Variants in ITIH2 observed in about 807,000 individuals in gnomAD.
ITIH2 encodes the protein inter-alpha-trypsin inhibitor heavy chain H2.
A neutral mutation model predicts 104.4 loss-of-function variants in ITIH2; 103 were observed. The observed-to-expected ratio is 0.99, with a 90% confidence interval of 0.84 to 1.16. The LOEUF (loss-of-function observed/expected upper bound fraction) is 1.16, where lower values mean the gene tolerates loss of function less well. ITIH2 is among the 50% of genes most tolerant of loss of function. ITIH2 has a pLI of 0.00. For missense variants in ITIH2, 1,108 were observed against 1,162.4 expected (o/e 0.95, Z 0.68); for synonymous variants, 436 against 435.4 (o/e 1.00, Z -0.02).
In ITIH2 at chr10:7,724,858, G is replaced by A. The variant is rs1038609173; in HGVS notation, c.984+1291G>A. Among the ~76,000 whole-genome samples the A allele has an allele frequency of 5.9e-5, 9 of 152,138 alleles. No homozygotes were observed. In the South Asian group the frequency reaches 6.2e-4, roughly 11 times the overall value. ...TAACGTCAGACATTGCCAAATGTCC[G>A]CTGGGGGGAATAATTGCCTCTGGTT... On this transcript the variant is annotated intron_variant, in intron 9 of 20. Coordinates refer to ENST00000358415, the MANE Select transcript of ITIH2 (RefSeq NM_002216.3).
intron 18 of ITIH2, among the ~76,000 whole-genome samples, 181 bp from the exon 19 acceptor site, chr10:7,744,610 C>T (rs117785197): frequency 1.6e-4 from 25 of 152,286 alleles, no homozygotes; most frequent in African/African-American, 5.8e-4. Flanking sequence ...GTGTCCTCTG[C>T]GTAGAAGCTT....
At chr10:7,735,357 T>C (rs1020835856) in intron 15 of ITIH2, among the ~76,000 whole-genome samples, 2 of 152,164 alleles carry the variant, frequency 1.3e-5, no homozygotes, top group Non-Finnish European at 2.9e-5. Context: ...ATTTGAAATT[T>C]TTTATCTTAG....
intron 4 of ITIH2, among the ~76,000 whole-genome samples, chr10:7,709,547 A>G (rs974530595): frequency 6.6e-6 from 1 of 152,036 alleles, no homozygotes; most frequent in East Asian, 1.9e-4. Context: ...GCCATCTGCC[A>G]TATGTTTCTC....
intron 4 of ITIH2, among the ~76,000 whole-genome samples, chr10:7,712,379 C>T (rs1459448657): frequency 6.6e-6 from 1 of 152,144 alleles, no homozygotes; most frequent in East Asian, 1.9e-4. Flanking sequence ...GTAATGTCAT[C>T]GTCCTAGGAA....
chr10:7,735,048 C>T lies in ITIH2; in HGVS notation c.1914C>T (p.Arg638=). Reference sequence around the variant, plus strand: ...TCGAGAACGAGGCTGGGGATGAGCGCATGCTGGCGGATGCCCCACCGCAGG... The same window carrying T: ...TCGAGAACGAGGCTGGGGATGAGCGTATGCTGGCGGATGCCCCACCGCAGG... ...LVIENEAGDE[R]MLADAPPQDP... is the part of the protein sequence containing the mutation. Residue 638 remains arginine, a synonymous_variant, in exon 15 of 21, where the codon CGC becomes CGT. Transcript: ENST00000358415. 1 of 1,612,700 alleles carries T rather than the reference C, an allele frequency of 6.2e-7. No individual in the cohort carries two copies. The highest frequency in any genetic ancestry group is 8.5e-7 in the Non-Finnish European group (1 of 1,180,008).
At chr10:7,732,538 A>G in intron 14 of ITIH2, 61 bp downstream of exon 14, 1 of 1,555,522 alleles carries the variant, frequency 6.4e-7, no homozygotes. Context: ...CACCGTGAAT[A>G]TATGAAGTCA....
At chr10:7,737,543 ATATT>A (rs944405526) in intron 15 of ITIH2, among the ~76,000 whole-genome samples, 2 of 132,462 alleles carry the variant, frequency 1.5e-5, no homozygotes, top group African/African-American at 5.7e-5. Flanking sequence ...TATATAATAT[ATATT>A]ATGTATTCTA....
chr10:7,745,560 G>C lies in ITIH2; in HGVS notation c.2581+597G>C, dbSNP rs916390350. 5.9e-5 allele frequency among the ~76,000 whole-genome samples: 9 copies of C among 151,820 alleles called. No homozygotes were observed. In the East Asian group the frequency reaches 1.8e-3, roughly 30 times the overall value. ...GCTTGTGGAGTTCAAGGGCAGCCTG[G>C]GCACCCCATCTCTACCAAAAAATTA... On this transcript the variant is annotated intron_variant, in intron 19 of 20. Transcript: ENST00000358415.
intron 10 of ITIH2, 90 bp downstream of exon 10, chr10:7,727,208 C>A: frequency 1.9e-6 from 2 of 1,066,458 alleles, no homozygotes; most frequent in South Asian, 1.6e-5. Context: ...TCACAGTGGT[C>A]TTTCCCCAGC....
At position 7,706,776 on chromosome 10, in the gene ITIH2, G is replaced by C. The variant is rs74452847; in HGVS notation, c.160-425G>C. Among the ~76,000 whole-genome samples, 203 of 152,204 alleles carry C rather than the reference G, an allele frequency of 1.3e-3. 2 individuals are homozygous for C. The East Asian group carries it at 0.038, about 29-fold the overall frequency. ...GGGTGAGTAGGAGTTCTCCATATGG[G>C]GGTTGAGGAACCTAGCAGGGGCACT... is the stretch of plus-strand genomic sequence containing the variant. On this transcript the variant is annotated intron_variant, in intron 2 of 20. Coordinates refer to ENST00000358415, the MANE Select transcript of ITIH2 (RefSeq NM_002216.3).
chr10:7,708,399 C>T (rs979549599), intron 3 of ITIH2, among the ~76,000 whole-genome samples: 1 of 152,114 alleles, frequency 6.6e-6, no homozygotes, highest in Admixed American at 6.5e-5. Flanking sequence ...AGTGTTGGAC[C>T]AATACTTGCA....
chr10:7,724,855 T>C (rs925588416), intron 9 of ITIH2, among the ~76,000 whole-genome samples: 1 of 152,128 alleles, frequency 6.6e-6, no homozygotes, highest in African/African-American at 2.4e-5. Context: ...TTGCCAAATG[T>C]CCGCTGGGGG....
At chr10:7,711,318 C>G (rs1762394289) in intron 4 of ITIH2, among the ~76,000 whole-genome samples, 1 of 152,138 alleles carries the variant, frequency 6.6e-6, no homozygotes, top group Admixed American at 6.5e-5. Context: ...TCTGTTCTTT[C>G]TTTACTATCT....
At chr10:7,723,148 C>CGTGGCGTGGAGTGGAGTGAA (rs58517524) in intron 8 of ITIH2, among the ~76,000 whole-genome samples, 106,568 of 139,346 alleles carry the variant, frequency 0.76, 40,395 homozygotes, top group Admixed American at 0.83. Flanking sequence ...CGTGGAGTGG[C>CGTGGCGTGGAGTGGAGTGAA]GTGGCGTGGA....
At chr10:7,721,913 T>C (rs1834907819) in intron 8 of ITIH2, 136 bp downstream of exon 8, 1 of 849,640 alleles carries the variant, frequency 1.2e-6, no homozygotes, top group African/African-American at 1.7e-5. Flanking sequence ...GGGACTAAAA[T>C]CATATTCTTT....
rs760793671 is a variant in ITIH2 at position 7,730,067 on chromosome 10, G to A, written c.1395G>A (p.Leu465=). 1 of 1,613,164 alleles carries A rather than the reference G, an allele frequency of 6.2e-7. No homozygotes were observed. The highest frequency in any genetic ancestry group is 1.7e-5 in the Admixed American group (1 of 59,984). The change falls in exon 12 of 21, where the codon CTG becomes CTA. Residue 465 remains leucine, a synonymous_variant. Coordinates refer to ENST00000358415, the MANE Select transcript of ITIH2 (RefSeq NM_002216.3). ...FDVDYDFLKR[L]SNENHGIAQR... ...TGGACTATGATTTTTTGAAGAGACT[G>A]TCCAATGAAAACCATGGAATTGCAC...
At chr10:7,703,648 A>G (rs970769280) in intron 1 of ITIH2, 130 bp downstream of exon 1, 4 of 644,688 alleles carry the variant, frequency 6.2e-6, no homozygotes, top group Non-Finnish European at 1.1e-5. Context: ...TCTGAGTGCA[A>G]GTGTTTACTG....
At chr10:7,721,558 A>G in intron 7 of ITIH2, 91 bp from the exon 8 acceptor site, 1 of 1,187,910 alleles carries the variant, frequency 8.4e-7, no homozygotes, top group Non-Finnish European at 1.2e-6. Context: ...TCCATTGGGC[A>G]GCTCCTCTTC....
intron 14 of ITIH2, 141 bp from the exon 15 acceptor site, chr10:7,734,781 T>C: frequency 1.6e-6 from 1 of 637,418 alleles, no homozygotes; most frequent in Non-Finnish European, 2.8e-6. Flanking sequence ...AGCCAGTGAG[T>C]TCTGTTTCCC....
Sources: allele counts gnomAD v4.1 joint callset (sites outside exome capture counted in the v4.1 genomes callset), GRCh38; gene constraint gnomAD v4.1.1; transcripts MANE v1.5; gene names NCBI Gene and HGNC (gene_info 2026-07-23, HGNC 2026-07-21).